PCDHA10: variants seen among roughly 807,000 people sequenced by gnomAD.
PCDHA10 encodes the protein protocadherin alpha-10.
Under a neutral mutation model 61.2 loss-of-function variants are expected in PCDHA10, and 45 were observed. That is an observed-to-expected ratio of 0.74 (90% CI 0.58 to 0.94). The LOEUF is 0.94. PCDHA10 is among the 40% of genes least tolerant of loss of function. PCDHA10 has a pLI of 0.00. For synonymous variants in PCDHA10, 602 were observed against 548.8 expected, an observed-to-expected ratio of 1.10 and a Z score of -1.35; for missense variants, 1,278 against 1,236.2, an observed-to-expected ratio of 1.03 and a Z score of -0.51.
chr5:140,880,689 T>C lies in PCDHA10; in HGVS notation c.2388+22253T>C, dbSNP rs957358698. 1.2e-4 allele frequency among the ~76,000 whole-genome samples: 18 copies of C among 152,326 alleles called. No homozygotes were observed. In the South Asian group the frequency reaches 3.7e-3, roughly 32 times the overall value. Reference sequence around the variant, plus strand: ...AGAGTAAATTTGAAGAGAATAGTCATGGTTAAGTGACAATGTTGAGCAGCT... The same window carrying C: ...AGAGTAAATTTGAAGAGAATAGTCACGGTTAAGTGACAATGTTGAGCAGCT... On this transcript the variant is annotated intron_variant, in intron 1 of 3. Transcript: ENST00000307360.
Position 141,010,239 on chromosome 5 carries a change from G to A in PCDHA10, c.*302G>A. ...AGGCTTCCCAGCCCCGCCAGTGAGA[G>A]GTTGGACTCTCTGCCCTGTGCTCCG... On this transcript the variant is annotated 3_prime_UTR_variant, in exon 4 of 4. Transcript: ENST00000307360. 1 of 1,551,938 alleles carries A rather than the reference G, an allele frequency of 6.4e-7. No homozygotes were observed. Among genetic ancestry groups the A allele is most frequent in the Non-Finnish European group, 8.7e-7 (1 of 1,147,044 alleles).
chr5:140,876,783 C>G (rs1554168916), intron 1 of PCDHA10: 2 of 1,614,196 alleles, frequency 1.2e-6, no homozygotes, highest in Admixed American at 1.7e-5. Flanking sequence ...CGCTGTGGGC[C>G]ACGGCTAGAG....
At chr5:140,954,831 C>CCT (rs2095096167) in intron 1 of PCDHA10, among the ~76,000 whole-genome samples, 1 of 152,116 alleles carries the variant, frequency 6.6e-6, no homozygotes, top group Admixed American at 6.5e-5. Flanking sequence ...GCACTTTTGT[C>CCT]ATGAAATCTT....
intron 1 of PCDHA10, chr5:140,877,509 G>A (rs781824762): frequency 5.6e-6 from 9 of 1,613,700 alleles, no homozygotes; most frequent in Non-Finnish European, 7.6e-6. Context: ...CAAAGACGTC[G>A]TCGCGGGCCT....
In PCDHA10 at chr5:140,895,957, C is replaced by G. The variant is rs186458993; in HGVS notation, c.2388+37521C>G. Among the ~76,000 whole-genome samples, 2 of 152,196 alleles carry G rather than the reference C, an allele frequency of 1.3e-5. 1 individual carries two copies. Among genetic ancestry groups the G allele is most frequent in the Admixed American group, 1.3e-4 (2 of 15,284 alleles). On this transcript the variant is annotated intron_variant, in intron 1 of 3. Transcript: ENST00000307360. Reference sequence around the variant, plus strand: ...TCCCGAGTAGCTGGGATTACAGGTGCCTGTCACCAGGCCTAGCTAATTTTT... The same window carrying G: ...TCCCGAGTAGCTGGGATTACAGGTGGCTGTCACCAGGCCTAGCTAATTTTT...
chr5:140,977,163 AATG>A (rs1554238313), intron 1 of PCDHA10, among the ~76,000 whole-genome samples: 2 of 152,198 alleles, frequency 1.3e-5, no homozygotes, highest in Non-Finnish European at 2.9e-5. Flanking sequence ...CTTTCAGCAA[AATG>A]AGTTTGATGA....
At chr5:140,884,501 G>T (rs2060219226) in intron 1 of PCDHA10, 2 of 1,614,146 alleles carry the variant, frequency 1.2e-6, no homozygotes, top group Non-Finnish European at 1.7e-6. Context: ...CTCCAGCGCG[G>T]CAGGGAGTTG....
chr5:140,927,876 G>A lies in PCDHA10; in HGVS notation c.2389-51073G>A, dbSNP rs782412797. ...TAGCTAGCACCGCTAAACTGCTGGT[G>A]GAGGTGACTGACGTGAACGATCATG... On this transcript the variant is annotated intron_variant, in intron 1 of 3. Transcript: ENST00000307360. The A allele has an allele frequency of 1.9e-6, 3 of 1,614,202 alleles. No individual in the cohort carries two copies. The South Asian group carries it at 3.3e-5, about 18-fold the overall frequency.
rs782188760 is a variant in PCDHA10, at chr5:140,877,108, G to A, written c.2388+18672G>A. 2.5e-5 allele frequency: 41 copies of A among 1,613,540 alleles called. No individual in the cohort carries two copies. Among genetic ancestry groups the A allele is most frequent in the South Asian group, 1.1e-4 (10 of 91,052 alleles). ...GCGCGACGCCGGCGTGCCGCCTCTG[G>A]GCAGCAACGTGACGCTGCAGGTGTT... On this transcript the variant is annotated intron_variant, in intron 1 of 3. Transcript: ENST00000307360.
At chr5:140,863,208 C>T in intron 1 of PCDHA10, 2 of 990,676 alleles carry the variant, frequency 2.0e-6, no homozygotes, top group Non-Finnish European at 3.1e-6. Context: ...TGGCGGAGAG[C>T]AGCCAAGCGA....
intron 1 of PCDHA10, among the ~76,000 whole-genome samples, chr5:140,956,723 A>G (rs536528599): frequency 6.6e-6 from 1 of 152,166 alleles, no homozygotes; most frequent in Non-Finnish European, 1.5e-5. Context: ...AAGAATTGGT[A>G]CCAGCTCCTC....
Position 140,946,631 on chromosome 5 carries a change from T to TATATATATATATATAC in PCDHA10, c.2389-32317_2389-32316insTATATATATATATACA, listed in dbSNP as rs57893927. On this transcript the variant is annotated intron_variant, in intron 1 of 3. Coordinates refer to ENST00000307360, the MANE Select transcript of PCDHA10 (RefSeq NM_018901.4). The stretch of plus-strand genomic sequence containing the variant: ...TGTGAAATATATATATATATATATA[T>TATATATATATATATAC]ACAATGGAATACTCATCAGCCATTA... 8.0e-3 allele frequency among the ~76,000 whole-genome samples: 1,048 copies of TATATATATATATATAC among 131,788 alleles called. 65 individuals carry two copies. Among genetic ancestry groups the TATATATATATATATAC allele is most frequent in the African/African-American group, 0.026 (735 of 28,674 alleles). The allele number at this position is 131,788 out of a possible 152,430, so 86.5% of individuals were successfully genotyped here. A position where few individuals can be genotyped will look rare whatever the true frequency, so the allele number is the denominator to read the frequency against.
At chr5:140,925,236 T>C (rs1398147161) in intron 1 of PCDHA10, among the ~76,000 whole-genome samples, 1 of 152,202 alleles carries the variant, frequency 6.6e-6, no homozygotes, top group African/African-American at 2.4e-5. Context: ...TACCAGAAAA[T>C]ATGTCCTGGA....
At chr5:140,921,663 T>G (rs1427342485) in intron 1 of PCDHA10, among the ~76,000 whole-genome samples, 1 of 152,144 alleles carries the variant, frequency 6.6e-6, no homozygotes, top group Admixed American at 6.5e-5. Flanking sequence ...TAATAAAAAT[T>G]TAACAGTTAT....
intron 1 of PCDHA10, among the ~76,000 whole-genome samples, chr5:140,956,665 G>GCTTT (rs1273636843): frequency 1.3e-5 from 2 of 152,004 alleles, no homozygotes; most frequent in Non-Finnish European, 2.9e-5. Flanking sequence ...TGGCCTTAAA[G>GCTTT]GAGTTAGGGA....
chr5:141,009,060 G>C (rs1192687086), intron 3 of PCDHA10, among the ~76,000 whole-genome samples: 4 of 152,176 alleles, frequency 2.6e-5, no homozygotes, highest in Non-Finnish European at 5.9e-5. Context: ...AATCACAACT[G>C]TATTCTTTAG....
intron 1 of PCDHA10, among the ~76,000 whole-genome samples, chr5:140,924,015 A>G (rs2081623207): frequency 6.6e-6 from 1 of 152,164 alleles, no homozygotes; most frequent in Admixed American, 6.5e-5. Flanking sequence ...AACCTGGTAT[A>G]ATTGGAGGCA....
chr5:140,952,496 G>A (rs2094755026), intron 1 of PCDHA10, among the ~76,000 whole-genome samples: 1 of 152,112 alleles, frequency 6.6e-6, no homozygotes, highest in Non-Finnish European at 1.5e-5. Flanking sequence ...CCAGTCCTCA[G>A]TAAGTTCCTC....
At chr5:140,904,435 A>G (rs542932460) in intron 1 of PCDHA10, among the ~76,000 whole-genome samples, 4 of 151,230 alleles carry the variant, frequency 2.6e-5, no homozygotes, top group African/African-American at 9.7e-5. Flanking sequence ...ATATATATGT[A>G]TATTACAATT....
Sources: gnomAD v4.1 joint callset for allele counts (sites outside exome capture counted in the v4.1 genomes callset) on GRCh38, gnomAD v4.1.1 for gene constraint, MANE v1.5 for transcripts, NCBI Gene and HGNC (gene_info 2026-07-23, HGNC 2026-07-21) for gene names.